The following KPNB1 variants were observed in gnomAD, a reference collection of about 807,000 sequenced individuals.
The protein encoded by KPNB1 is importin subunit beta-1.
KPNB1 carries 7 observed loss-of-function variants against 113.0 expected under a neutral mutation model. The observed-to-expected ratio is 0.06, with a 90% CI of 0.04 to 0.12. KPNB1 has a LOEUF of 0.12. Among genes scored for constraint, KPNB1 ranks in the 10% least tolerant of loss-of-function variants. KPNB1 has a pLI of 1.00. For missense variants in KPNB1, 400 were observed against 1,054.8 expected (o/e 0.38, Z 8.60); for synonymous variants, 363 against 378.6 (o/e 0.96, Z 0.48).
chr17:47,677,347 T>A (rs1460513617), intron 17 of KPNB1, among the ~76,000 whole-genome samples: 1 of 151,604 alleles, frequency 6.6e-6, no homozygotes, highest in East Asian at 1.9e-4. Flanking sequence ...TGGCAGGCGC[T>A]TGTAATCCCA....
intron 8 of KPNB1, 66 bp from the exon 9 acceptor site, chr17:47,664,991 C>T (rs1191467690): frequency 9.0e-7 from 1 of 1,106,862 alleles, no homozygotes; most frequent in East Asian, 2.3e-5. Context: ...GTTCGGCTCT[C>T]ATTGTATGCC....
chr17:47,666,394 T>TTGTGTGTGTGTG (rs140549997), intron 9 of KPNB1, among the ~76,000 whole-genome samples: 27 of 139,656 alleles, frequency 1.9e-4, no homozygotes, highest in East Asian at 1.8e-3. Context: ...GTCTTTACTT[T>TTGTGTGTGTGTG]TGTGTGTGTG....
At chr17:47,681,035 T>A (rs1474641031) in intron 21 of KPNB1, among the ~76,000 whole-genome samples, 1 of 150,986 alleles carries the variant, frequency 6.6e-6, no homozygotes, top group East Asian at 1.9e-4. Context: ...TAGAGAAGAT[T>A]TCCAAAGTCA....
intron 12 of KPNB1, among the ~76,000 whole-genome samples, chr17:47,672,547 C>T (rs963129475): frequency 2.6e-5 from 4 of 151,826 alleles, no homozygotes; most frequent in African/African-American, 9.7e-5. Flanking sequence ...CAAGCCACTA[C>T]ACCTGGCTAA....
At chr17:47,664,950 T>C in intron 8 of KPNB1, 107 bp from the exon 9 acceptor site, 1 of 806,196 alleles carries the variant, frequency 1.2e-6, no homozygotes, top group Non-Finnish European at 2.1e-6. Context: ...CATTTGTCCT[T>C]GTATGTTTCT....
chr17:47,679,527 TCGACTTGAGGAA>T (rs573851525), intron 19 of KPNB1, among the ~76,000 whole-genome samples: 72 of 152,320 alleles, frequency 4.7e-4, no homozygotes, highest in African/African-American at 1.7e-3. Context: ...GTCTCTTCTG[TCGACTTGAGGAA>T]CGACACATTA....
rs1327851553 is a variant in KPNB1, at chr17:47,650,337, A to C, written c.41-49A>C. On this transcript the variant is annotated intron_variant, in intron 1 of 21. Transcript: ENST00000290158. ...TGAGGTGATTGGGGTGGGGGAGGGG[A>C]GGCCCGGCCCCTCTGACCCCGCTCC... 9 of 1,608,220 alleles carry C rather than the reference A, an allele frequency of 5.6e-6. No homozygotes were observed. The Admixed American group carries it at 1.3e-4, about 24-fold the overall frequency.
intron 15 of KPNB1, among the ~76,000 whole-genome samples, chr17:47,675,385 G>GTTT (rs1462077639): frequency 1.2e-5 from 1 of 82,110 alleles, no homozygotes; most frequent in Non-Finnish European, 2.3e-5. Flanking sequence ...TTTTTTTTTT[G>GTTT]TTTGTTTTTT....
chr17:47,656,806 A>G (rs1346354226), intron 3 of KPNB1, 54 bp from the exon 4 acceptor site: 3 of 1,564,408 alleles, frequency 1.9e-6, no homozygotes, highest in Non-Finnish European at 1.8e-6. Context: ...GGTGGGCAAA[A>G]TGTGGTCAAA....
chr17:47,661,039 T>A, intron 5 of KPNB1, 80 bp from the exon 6 acceptor site: 2 of 1,145,628 alleles, frequency 1.7e-6, no homozygotes, highest in Non-Finnish European at 2.6e-6. Context: ...TGAGAGGTTT[T>A]CCTTGTAGAG....
chr17:47,664,949 T>A (rs2030222493), intron 8 of KPNB1, 108 bp from the exon 9 acceptor site: 1 of 806,254 alleles, frequency 1.2e-6, no homozygotes, highest in Admixed American at 2.1e-5. Flanking sequence ...CCATTTGTCC[T>A]TGTATGTTTC....
At chr17:47,669,023 C>T (rs1597932874) in intron 10 of KPNB1, among the ~76,000 whole-genome samples, 1 of 142,792 alleles carries the variant, frequency 7.0e-6, no homozygotes, top group East Asian at 2.1e-4. Flanking sequence ...ATTCAGTCTT[C>T]AGTCTTTCTG....
intron 9 of KPNB1, among the ~76,000 whole-genome samples, chr17:47,665,616 A>G (rs997218151): frequency 5.9e-5 from 9 of 152,360 alleles, no homozygotes; most frequent in African/African-American, 1.9e-4. Flanking sequence ...ACCCCAACCC[A>G]AGAAAGAAAC....
At chr17:47,665,572 A>G (rs1169175188) in intron 9 of KPNB1, among the ~76,000 whole-genome samples, 2 of 152,200 alleles carry the variant, frequency 1.3e-5, no homozygotes, top group East Asian at 3.8e-4. Context: ...ATTCTAAGGA[A>G]GTTGGATATA....
intron 12 of KPNB1, among the ~76,000 whole-genome samples, chr17:47,672,435 G>A (rs531151301): frequency 1.3e-5 from 2 of 151,414 alleles, no homozygotes; most frequent in South Asian, 4.2e-4. Flanking sequence ...TTTCGGTCTT[G>A]TTGCTCAGGC....
intron 6 of KPNB1, among the ~76,000 whole-genome samples, chr17:47,662,539 A>G (rs981516966): frequency 1.3e-5 from 2 of 151,084 alleles, no homozygotes; most frequent in Non-Finnish European, 3.0e-5. Context: ...CATGGCCACT[A>G]TACTTGCACC....
At chr17:47,654,906 T>TA (rs1485221086) in intron 3 of KPNB1, among the ~76,000 whole-genome samples, 5 of 152,162 alleles carry the variant, frequency 3.3e-5, no homozygotes, top group African/African-American at 1.2e-4. Flanking sequence ...GTCTTTGACA[T>TA]ACCGTTTTTG....
chr17:47,664,095 G>A, intron 7 of KPNB1, 64 bp from the exon 8 acceptor site: 1 of 957,762 alleles, frequency 1.0e-6, no homozygotes, highest in Non-Finnish European at 1.6e-6. Context: ...GTTAAAGCCG[G>A]GTTGGGGCAG....
intron 12 of KPNB1, among the ~76,000 whole-genome samples, chr17:47,672,500 C>T (rs1021545581): frequency 1.3e-5 from 2 of 151,876 alleles, no homozygotes; most frequent in South Asian, 2.1e-4. Flanking sequence ...AAGGAATTCT[C>T]GTGCCTCAGC....
Sources: gnomAD v4.1 joint callset for allele counts (sites outside exome capture counted in the v4.1 genomes callset) on GRCh38, gnomAD v4.1.1 for gene constraint, MANE v1.5 for transcripts, NCBI Gene and HGNC (gene_info 2026-07-23, HGNC 2026-07-21) for gene names.